The following MUC12 variants were observed in gnomAD, a reference collection of about 807,000 sequenced individuals.
The protein encoded by MUC12 is mucin 12, cell surface associated.
MUC12 carries 172 observed loss-of-function variants against 230.8 expected under a neutral mutation model. The ratio of observed to expected loss-of-function variants is 0.75; its 90% CI spans 0.66 to 0.85. MUC12 has a LOEUF of 0.85. MUC12 is among the 40% of genes least tolerant of loss of function. MUC12 has a pLI of 0.00. For missense variants in MUC12, 3,506 were observed against 5,920.6 expected (o/e 0.59, Z 13.38); for synonymous variants, 1,259 against 2,401.9 (o/e 0.52, Z 13.91).
intron 4 of MUC12, 148 bp downstream of exon 4, chr7:101,008,909 A>G (rs776378331): frequency 2.3e-6 from 3 of 1,295,650 alleles, no homozygotes; most frequent in Non-Finnish European, 3.1e-6. Flanking sequence ...AGGTCCTTTG[A>G]GAGCTTCCAG....
At position 100,991,203 on chromosome 7, in the gene MUC12, C is replaced by A. The variant is rs565524249; in HGVS notation, c.640C>A (p.Pro214Thr). The A allele has an allele frequency of 6.5e-7, 1 of 1,537,510 alleles. No individual in the cohort carries two copies. The highest frequency in any genetic ancestry group is 8.7e-7 in the Non-Finnish European group (1 of 1,146,884). Residue 214 changes from proline to threonine, a missense_variant, in exon 2 of 12, where the codon CCA becomes ACA. Transcript: ENST00000536621. ...DTTLSPGTTT[P>T]SSLGPESTTF... ...AACACTGTCCCCTGGCACTACCACA[C>A]CATCATCCCTTGGTCCAGAATCTAC...
intron 1 of MUC12, among the ~76,000 whole-genome samples, chr7:100,975,972 C>T (rs189351792): frequency 3.9e-5 from 6 of 152,272 alleles, no homozygotes; most frequent in African/African-American, 1.2e-4. Context: ...AATAGAGACC[C>T]GATAGTCTGA....
rs139679686 is a variant in MUC12 at position 100,974,052 on chromosome 7, G to C, written c.67+4363G>C. Among the ~76,000 whole-genome samples the C allele has an allele frequency of 1.4e-3, 218 of 152,210 alleles. 2 individuals carry two copies. In the East Asian group the frequency reaches 0.032, roughly 22 times the overall value. On this transcript the variant is annotated intron_variant, in intron 1 of 11. Transcript: ENST00000536621. ...TAGTCTTAGCTACTTGGAAGGCTGAGGGGAGAGGATCTCTTGAGTCCAGGA... is the reference window on the plus strand; with the variant it reads ...TAGTCTTAGCTACTTGGAAGGCTGACGGGAGAGGATCTCTTGAGTCCAGGA...
chr7:100,979,570 A>G (rs1212507811), intron 1 of MUC12, among the ~76,000 whole-genome samples: 4 of 152,154 alleles, frequency 2.6e-5, no homozygotes, highest in African/African-American at 9.7e-5. Flanking sequence ...TCGCGAGGTC[A>G]AGAGATCGAG....
intron 1 of MUC12, among the ~76,000 whole-genome samples, chr7:100,990,108 C>T (rs1793255172): frequency 6.6e-6 from 1 of 152,154 alleles, no homozygotes; most frequent in African/African-American, 2.4e-5. Flanking sequence ...AACAGGGGTC[C>T]CCAACCCCCT....
At chr7:100,990,090 G>A (rs532718720) in intron 1 of MUC12, among the ~76,000 whole-genome samples, 2 of 152,310 alleles carry the variant, frequency 1.3e-5, no homozygotes, top group African/African-American at 4.8e-5. Context: ...GAAGGCACAA[G>A]GGTCTATAAC....
rs1013571816 is a variant in MUC12 at position 101,017,628 on chromosome 7, C to T, written c.15931C>T (p.Arg5311Trp). 2.1e-5 allele frequency: 32 copies of T among 1,536,134 alleles called. No homozygotes were observed. The East Asian group carries it at 7.1e-4, about 34-fold the overall frequency. Reference protein sequence around the residue: ...FGLENAYNNFRPTLETVDSGT... With the variant: ...FGLENAYNNFWPTLETVDSGT... Reference sequence around the variant, plus strand: ...CCTTGAGAACGCCTACAACAACTTCCGGCCCACCCTGGAGACTGTTGACTC... The same window carrying T: ...CCTTGAGAACGCCTACAACAACTTCTGGCCCACCCTGGAGACTGTTGACTC... Residue 5311 changes from arginine to tryptophan, a missense_variant, in exon 11 of 12, where the codon CGG (arginine) becomes TGG (tryptophan). By Grantham distance (101) the Arg-to-Trp change is moderately radical. Transcript: ENST00000536621.
chr7:100,975,314 G>A (rs572736897), intron 1 of MUC12, among the ~76,000 whole-genome samples: 74 of 152,408 alleles, frequency 4.9e-4, no homozygotes, highest in Non-Finnish European at 8.5e-4. Flanking sequence ...GCGGGGCCAG[G>A]GGTCTGAAGG....
In MUC12 at chr7:101,018,643, G is replaced by A. The variant is rs892651512; in HGVS notation, c.*7G>A. 1.4e-5 allele frequency: 21 copies of A among 1,535,140 alleles called. No individual in the cohort carries two copies. Among genetic ancestry groups the A allele is most frequent in the East Asian group, 2.5e-5 (1 of 40,696 alleles). On this transcript the variant is annotated 3_prime_UTR_variant, in exon 12 of 12. Transcript: ENST00000536621. ...GGTAGCATCCACTGTGTGAGCCAAC[G>A]GGGGCCTCCCACCCTCATCTAGCTC...
chr7:101,004,897 AACAGCGTTC>A lies in MUC12; in HGVS notation c.14335_14343del (p.Thr4779_Phe4781del). 6.5e-7 allele frequency: 1 copy of A among 1,537,718 alleles called. No homozygotes were observed. The highest frequency in any genetic ancestry group is 1.4e-5 in the African/African-American group (1 of 73,086). ...ATAGCCAAGCAGAGTCAACACACAC[AACAGCGTTC>A]CCTGCCAGCACCACCACCTCAGGCC... On this transcript the variant is annotated inframe_deletion, in exon 2 of 12. Coordinates refer to ENST00000536621, the MANE Select transcript of MUC12 (RefSeq NM_001164462.2).
At chr7:101,011,663 C>T (rs1793841203) in intron 5 of MUC12, among the ~76,000 whole-genome samples, 2 of 152,138 alleles carry the variant, frequency 1.3e-5, no homozygotes, top group African/African-American at 4.8e-5. Flanking sequence ...CTCAAGCAGT[C>T]CTCCCACCTC....
rs1257214412 is a variant in MUC12, at chr7:101,004,971, C to G, written c.14408C>G (p.Ser4803Ter). The change falls in exon 2 of 12, where the codon TCA becomes TGA. Residue 4803 changes from serine to a stop codon, truncating the protein, a stop_gained. Transcript: ENST00000536621. LOFTEE classifies it high-confidence loss of function. Reference sequence around the variant, plus strand: ...ACAACTTTCCACAGTAAGCCAGGCTCAACTGAGACAACACTGTCCCCTGGC... The same window carrying G: ...ACAACTTTCCACAGTAAGCCAGGCTGAACTGAGACAACACTGTCCCCTGGC... ...ESTTFHSKPG[S>*]TETTLSPGSI... 13 of 1,537,646 alleles carry G rather than the reference C, an allele frequency of 8.5e-6. No homozygotes were observed. Among genetic ancestry groups the G allele is most frequent in the African/African-American group, 2.7e-5 (2 of 73,032 alleles).
intron 1 of MUC12, among the ~76,000 whole-genome samples, chr7:100,970,521 T>A (rs879586548): frequency 6.4e-3 from 571 of 89,780 alleles, no homozygotes; most frequent in Middle Eastern, 0.013. Context: ...AAGAGAGAAA[T>A]AAAGAAAGAA....
Position 101,004,564 on chromosome 7 carries a change from A to G in MUC12, c.14001A>G (p.Thr4667=), listed in dbSNP as rs1167809765. ...SYHSSPGSIA[T]THFPESSTTS... ...ACAGCAGCCCGGGCTCAATTGCAAC[A>G]ACACACTTTCCTGAGAGCTCCACAA... The change falls in exon 2 of 12, where the codon ACA becomes ACG. Residue 4667 remains threonine, a synonymous_variant. Coordinates refer to ENST00000536621, the MANE Select transcript of MUC12 (RefSeq NM_001164462.2). 4 of 1,537,084 alleles carry G rather than the reference A, an allele frequency of 2.6e-6. No individual in the cohort carries two copies. The African/African-American group carries it at 4.1e-5, about 16-fold the overall frequency.
chr7:100,972,509 C>CTT (rs764820674), intron 1 of MUC12, among the ~76,000 whole-genome samples: 8 of 143,566 alleles, frequency 5.6e-5, no homozygotes, highest in Admixed American at 2.8e-4. Flanking sequence ...GCATCTGTAG[C>CTT]TTTTTTTTTT....
intron 1 of MUC12, among the ~76,000 whole-genome samples, chr7:100,969,999 A>G (rs1449542021): frequency 1.3e-5 from 2 of 152,306 alleles, no homozygotes; most frequent in African/African-American, 4.8e-5. Context: ...CTTTTGTCAC[A>G]TAGACAGTCA....
At position 101,018,750 on chromosome 7, in the gene MUC12, C is replaced by T. The variant is rs769974546; in HGVS notation, c.*114C>T. The T allele has an allele frequency of 2.5e-5, 27 of 1,093,860 alleles. No individual in the cohort carries two copies. Among genetic ancestry groups the T allele is most frequent in the South Asian group, 1.3e-4 (8 of 61,210 alleles). The allele number at this position is 1,093,860 out of a possible 1,614,324, so 67.8% of individuals were successfully genotyped here. A position where few individuals can be genotyped will look rare whatever the true frequency, so the allele number is the denominator to read the frequency against. ...GGAGACCGAAGTCAGGCCCTGAAGC[C>T]GGTCCTGCTCTGAGCTGACAGACTT... On this transcript the variant is annotated 3_prime_UTR_variant, in exon 12 of 12. Transcript: ENST00000536621.
intron 1 of MUC12, among the ~76,000 whole-genome samples, chr7:100,971,133 C>G (rs1792875676): frequency 1.3e-5 from 1 of 74,082 alleles, no homozygotes; most frequent in Admixed American, 1.5e-4. Context: ...TCCAGCCTGG[C>G]AACAGAGCGA....
chr7:100,989,655 C>T (rs1429407525), intron 1 of MUC12, among the ~76,000 whole-genome samples: 2 of 151,832 alleles, frequency 1.3e-5, no homozygotes, highest in African/African-American at 4.8e-5. Context: ...CACAACCATA[C>T]AGATATGAAA....
Sources: gnomAD v4.1 joint callset for allele counts (sites outside exome capture counted in the v4.1 genomes callset) on GRCh38, gnomAD v4.1.1 for gene constraint, MANE v1.5 for transcripts, NCBI Gene and HGNC (gene_info 2026-07-23, HGNC 2026-07-21) for gene names.